The following DSN1 variants were observed in gnomAD, a reference collection of about 807,000 sequenced individuals.
DSN1 encodes the protein DSN1 component of MIS12 kinetochore complex, also known as kinetochore-associated protein DSN1 homolog.
DSN1 carries 31 observed loss-of-function variants against 45.7 expected under a neutral mutation model. The ratio of observed to expected loss-of-function variants is 0.68; its 90% CI spans 0.51 to 0.92. The LOEUF (loss-of-function observed/expected upper bound fraction) is 0.92, where lower values mean the gene tolerates loss of function less well. Ranked by LOEUF, DSN1 falls within the 40% of genes least tolerant of loss-of-function variation. The pLI is 0.00. For synonymous variants in DSN1, 134 were observed against 142.3 expected, an observed-to-expected ratio of 0.94 and a Z score of 0.41; for missense variants, 394 against 414.2, an observed-to-expected ratio of 0.95 and a Z score of 0.42.
chr20:36,760,749 G>A lies in DSN1; in HGVS notation c.590+1712C>T, dbSNP rs533942863. Among the ~76,000 whole-genome samples, 153 of 152,240 alleles carry A rather than the reference G, an allele frequency of 1.0e-3. 2 individuals carry two copies. The South Asian group carries it at 0.026, about 26-fold the overall frequency. ...CTAAAAATACAAAAATTAGTTGGGC[G>A]TGGTGGCAGGTGCCTGTAATCCTAG... On this transcript the variant is annotated intron_variant, in intron 6 of 10. Coordinates refer to ENST00000373750, the MANE Select transcript of DSN1 (RefSeq NM_001145315.2).
At chr20:36,758,639 G>A (rs1489471977) in intron 6 of DSN1, 22 bp from the exon 7 acceptor site, 2 of 1,588,028 alleles carry the variant, frequency 1.3e-6, no homozygotes, top group Non-Finnish European at 1.7e-6. Flanking sequence ...ATAGGATTAT[G>A]ACATAAATCT....
intron 8 of DSN1, among the ~76,000 whole-genome samples, chr20:36,756,851 T>C (rs1199221439): frequency 6.6e-6 from 1 of 152,188 alleles, no homozygotes; most frequent in Non-Finnish European, 1.5e-5. Flanking sequence ...TCTTCATAAA[T>C]ACAGTATGTA....
At chr20:36,764,664 T>C (rs1987214840) in intron 5 of DSN1, among the ~76,000 whole-genome samples, 1 of 152,206 alleles carries the variant, frequency 6.6e-6, no homozygotes, top group Admixed American at 6.5e-5. Context: ...CTCGCGCCTA[T>C]AATCCCAACA....
Position 36,770,973 on chromosome 20 carries a change from T to C in DSN1, c.255A>G (p.Gln85=), listed in dbSNP as rs1344911563. ...GCCTCCTGTCTTGATAACTGGCAGA[T>C]TGTTCTTGAGGAGACAAATGAAGGG... is the stretch of plus-strand genomic sequence containing the variant. The part of the protein sequence containing the change: ...SKSLHLSPQE[Q]SASYQDRRQS... The change falls in exon 3 of 11, where the codon CAA becomes CAG. Residue 85 remains glutamine (Q), a synonymous_variant. Coordinates refer to ENST00000373750, the MANE Select transcript of DSN1 (RefSeq NM_001145315.2). 5.6e-6 allele frequency: 9 copies of C among 1,614,100 alleles called. No individual in the cohort carries two copies. The highest frequency in any genetic ancestry group is 2.7e-5 in the African/African-American group (2 of 74,930).
Position 36,758,588 on chromosome 20 carries a change from G to C in DSN1, c.620C>G (p.Ser207Cys). The change falls in exon 7 of 11, where the codon TCT (serine) becomes TGT (cysteine). Residue 207 changes from serine to cysteine, a missense_variant. Ser to Cys is a moderately radical substitution (Grantham distance 112). Transcript: ENST00000373750. The stretch of plus-strand genomic sequence containing the variant: ...TATGTATTCCTTCATCTCAGCCACA[G>C]ATGCTTCCAAAGAAAAATCTGATGC... ...GKASDFSLEASVAEMKEYITK... is the reference protein window; with the variant it reads ...GKASDFSLEACVAEMKEYITK... The C allele has an allele frequency of 3.1e-6, 5 of 1,611,612 alleles. No individual in the cohort carries two copies. Among genetic ancestry groups the C allele is most frequent in the Non-Finnish European group, 4.2e-6 (5 of 1,179,510 alleles).
rs1987612569 is a variant in DSN1 at position 36,770,946 on chromosome 20, T to C, written c.282A>G (p.Gln94=). Reference sequence around the variant, plus strand: ...CTTTCATACTTGCTCGCCGCCAGGATTGCCTCCTGTCTTGATAACTGGCAG... The same window carrying C: ...CTTTCATACTTGCTCGCCGCCAGGACTGCCTCCTGTCTTGATAACTGGCAG... ...EQSASYQDRR[Q]SWRRASMKET... Residue 94 remains glutamine (Q), a synonymous_variant, in exon 3 of 11, where the codon CAA becomes CAG. Coordinates refer to ENST00000373750, the MANE Select transcript of DSN1 (RefSeq NM_001145315.2). 1.2e-6 allele frequency: 2 copies of C among 1,614,162 alleles called. No homozygotes were observed. Among genetic ancestry groups the C allele is most frequent in the East Asian group, 2.2e-5 (1 of 44,888 alleles).
rs543182839 is a variant in DSN1, at chr20:36,758,094, A to G, written c.718T>C (p.Leu240=). 3.7e-6 allele frequency: 6 copies of G among 1,613,752 alleles called. No individual in the cohort carries two copies. In the South Asian group the frequency reaches 4.4e-5, roughly 12 times the overall value. Residue 240 remains leucine (L), a synonymous_variant, in exon 8 of 11, where the codon TTG becomes CTG. Coordinates refer to ENST00000373750, the MANE Select transcript of DSN1 (RefSeq NM_001145315.2). ...ACAGTTCATAGATCTAACCTGGACA[A>G]TATCTCTTTAGCCTCCTGCTGGTAG... ...LHYQQEAKEI[L]SRGSTEAKIT...
At chr20:36,764,050 CA>C (rs1161259122) in intron 5 of DSN1, among the ~76,000 whole-genome samples, 6 of 151,764 alleles carry the variant, frequency 4.0e-5, no homozygotes, top group African/African-American at 1.2e-4. Context: ...CCCATGTCTA[CA>C]AAAAAATTTT....
At chr20:36,762,403 G>A (rs1987045643) in intron 6 of DSN1, 58 bp downstream of exon 6, 15 of 1,502,334 alleles carry the variant, frequency 1.0e-5, no homozygotes, top group Admixed American at 1.9e-5. Flanking sequence ...AGCCACCAAC[G>A]CCCGGCCTAA....
intron 1 of DSN1, among the ~76,000 whole-genome samples, chr20:36,771,754 G>A (rs1192976329): frequency 6.6e-6 from 1 of 152,172 alleles, no homozygotes; most frequent in Admixed American, 6.5e-5. Context: ...ATGACATTAT[G>A]GTCTACCTGG....
intron 6 of DSN1, among the ~76,000 whole-genome samples, chr20:36,761,215 A>G (rs969844747): frequency 1.3e-5 from 2 of 152,116 alleles, no homozygotes; most frequent in Non-Finnish European, 2.9e-5. Context: ...CACCATTCAT[A>G]TCTTACAGGT....
chr20:36,765,857 A>C lies in DSN1; in HGVS notation c.502+912T>G, dbSNP rs545926665. ...TAGTAGCAAAAGACTAAAAAAAAAA[A>C]AAAAAACAAAAAACAACACTTAAAG... On this transcript the variant is annotated intron_variant, in intron 5 of 10. Coordinates refer to ENST00000373750, the MANE Select transcript of DSN1 (RefSeq NM_001145315.2). Among the ~76,000 whole-genome samples the C allele has an allele frequency of 2.9e-3, 443 of 151,522 alleles. 1 individual carries two copies. Among genetic ancestry groups the C allele is most frequent in the Middle Eastern group, 0.017 (5 of 292 alleles).
At chr20:36,755,906 A>G in intron 8 of DSN1, 77 bp from the exon 9 acceptor site, 1 of 1,514,222 alleles carries the variant, frequency 6.6e-7, no homozygotes, top group Non-Finnish European at 8.9e-7. Flanking sequence ...TATCCTATAA[A>G]GCTGAATCAG....
At chr20:36,767,043 C>CA (rs1987378581) in intron 4 of DSN1, among the ~76,000 whole-genome samples, 1 of 151,372 alleles carries the variant, frequency 6.6e-6, no homozygotes, top group Non-Finnish European at 1.5e-5. Flanking sequence ...CAGTGGCTTA[C>CA]GTCTGTAATC....
In DSN1 at chr20:36,770,980, T is replaced by A. The variant is rs931333886; in HGVS notation, c.248A>T (p.Gln83Leu). The A allele has an allele frequency of 1.9e-6, 3 of 1,614,212 alleles. No individual in the cohort carries two copies. The Admixed American group carries it at 5.0e-5, about 27-fold the overall frequency. ...LQSKSLHLSP[Q>L]EQSASYQDRR... is the part of the protein sequence containing the mutation. ...GTCTTGATAACTGGCAGATTGTTCTTGAGGAGACAAATGAAGGGACTTCGA... is the reference window on the plus strand; with the variant it reads ...GTCTTGATAACTGGCAGATTGTTCTAGAGGAGACAAATGAAGGGACTTCGA... Residue 83 changes from glutamine to leucine, a missense_variant, in exon 3 of 11, where the codon CAA becomes CTA. By Grantham distance (113) the Gln-to-Leu change is moderately radical. Coordinates refer to ENST00000373750, the MANE Select transcript of DSN1 (RefSeq NM_001145315.2).
chr20:36,764,741 C>T (rs769413275), intron 5 of DSN1, among the ~76,000 whole-genome samples: 2 of 151,644 alleles, frequency 1.3e-5, no homozygotes, highest in East Asian at 1.9e-4. Flanking sequence ...GCCAACATGG[C>T]GAAACCCTGT....
intron 2 of DSN1, 59 bp downstream of exon 2, chr20:36,771,366 G>A (rs1568701294): frequency 1.9e-6 from 3 of 1,565,948 alleles, no homozygotes; most frequent in Non-Finnish European, 2.6e-6. Flanking sequence ...AAAGATTTGG[G>A]TATAGCTCAG....
chr20:36,766,692 G>T, intron 5 of DSN1, 77 bp downstream of exon 5: 1 of 1,262,716 alleles, frequency 7.9e-7, no homozygotes, highest in Non-Finnish European at 1.1e-6. Context: ...TAAGGGAGCA[G>T]CTTCTGTAAA....
rs531501841 is a variant in DSN1, at chr20:36,752,035, CTTTT to C, written c.*749_*752del. ...CCAATGATGCAAATAATGCTCAAAA[CTTTT>C]TTTTTCATTTTTTTACAATTTTTAA... On this transcript the variant is annotated 3_prime_UTR_variant, in exon 11 of 11. Coordinates refer to ENST00000373750, the MANE Select transcript of DSN1 (RefSeq NM_001145315.2). The C allele has an allele frequency of 7.3e-5, 11 of 151,100 alleles. 1 individual carries two copies. The South Asian group carries it at 2.1e-3, about 29-fold the overall frequency. 9.4% of individuals were successfully genotyped at this position (151,100 alleles called of 1,614,324 possible). A position where few individuals can be genotyped will look rare whatever the true frequency, so the allele number is the denominator to read the frequency against.
Sources: allele counts gnomAD v4.1 joint callset (sites outside exome capture counted in the v4.1 genomes callset), GRCh38; gene constraint gnomAD v4.1.1; transcripts MANE v1.5; gene names NCBI Gene and HGNC (gene_info 2026-07-23, HGNC 2026-07-21).